The following TENM2 variants were observed in gnomAD, a reference collection of about 807,000 sequenced individuals.
The protein encoded by TENM2 is teneurin transmembrane protein 2, also known as teneurin-2.
TENM2 carries 52 observed loss-of-function variants against 245.2 expected under a neutral mutation model. The ratio of observed to expected loss-of-function variants is 0.21; its 90% CI spans 0.17 to 0.27. The LOEUF (loss-of-function observed/expected upper bound fraction) is 0.27, where lower values mean the gene tolerates loss of function less well. Ranked by LOEUF, TENM2 falls within the 10% of genes least tolerant of loss-of-function variation. The pLI, the probability that TENM2 is intolerant of heterozygous loss-of-function variation, is 1.00. For missense variants in TENM2, 3,046 were observed against 3,666.8 expected, an observed-to-expected ratio of 0.83 and a Z score of 4.37; for synonymous variants, 1,363 against 1,438.9, an observed-to-expected ratio of 0.95 and a Z score of 1.19.
At chr5:167,187,315 A>C in the TENM2 span, among the ~76,000 whole-genome samples, 1 of 152,312 alleles carries the variant, frequency 6.6e-6, no homozygotes, top group East Asian at 1.9e-4. Flanking sequence ...GGGAATGGAT[A>C]ATGTTGGTTC....
At chr5:167,736,889 A>T (rs1269075243) in intron 2 of TENM2, among the ~76,000 whole-genome samples, 1 of 152,184 alleles carries the variant, frequency 6.6e-6, no homozygotes, top group Non-Finnish European at 1.5e-5. Flanking sequence ...GACAATTCTG[A>T]TGGGGAAGTC....
intron 7 of TENM2, among the ~76,000 whole-genome samples, chr5:168,069,254 A>G (rs1413695651): frequency 6.6e-6 from 1 of 152,194 alleles, no homozygotes; most frequent in Non-Finnish European, 1.5e-5. Flanking sequence ...AAGAAAGCCT[A>G]GTACAGATCT....
intron 2 of TENM2, among the ~76,000 whole-genome samples, chr5:167,725,862 A>G (rs1190829860): frequency 6.6e-6 from 1 of 151,770 alleles, no homozygotes; most frequent in Non-Finnish European, 1.5e-5. Context: ...CCTCTACTCT[A>G]CTTTAGCCCC....
At chr5:167,160,326 G>A in the TENM2 span, among the ~76,000 whole-genome samples, 24 of 152,314 alleles carry the variant, frequency 1.6e-4, no homozygotes, top group East Asian at 7.7e-4. Context: ...AGGTCTGGCC[G>A]CTGCCAGTGT....
intron 1 of TENM2, among the ~76,000 whole-genome samples, chr5:167,363,068 G>A (rs1273096116): frequency 2.6e-5 from 4 of 152,154 alleles, no homozygotes; most frequent in African/African-American, 7.2e-5. Context: ...CAACAAAACA[G>A]TCCTCACAGC....
At chr5:167,364,060 A>T (rs1759891019) in intron 1 of TENM2, among the ~76,000 whole-genome samples, 1 of 150,402 alleles carries the variant, frequency 6.6e-6, no homozygotes, top group African/African-American at 2.4e-5. Context: ...AAAGACATAA[A>T]AATACAACAG....
chr5:167,755,232 G>T, intron 2 of TENM2: 1 of 1,491,892 alleles, frequency 6.7e-7, no homozygotes, highest in South Asian at 1.1e-5. Context: ...GGTTTTGCAA[G>T]CACCTGTCCT....
intron 5 of TENM2, among the ~76,000 whole-genome samples, chr5:168,047,178 CT>C (rs1788678330): frequency 6.6e-6 from 1 of 152,096 alleles, no homozygotes; most frequent in Non-Finnish European, 1.5e-5. Context: ...GTGTTTTCTC[CT>C]CCCTCCTCCG....
chr5:167,548,999 T>A (rs543748822), intron 2 of TENM2, among the ~76,000 whole-genome samples: 2 of 152,244 alleles, frequency 1.3e-5, no homozygotes, highest in African/African-American at 4.8e-5. Context: ...TTAGTATCAA[T>A]AGCAGAATTC....
intron 3 of TENM2, among the ~76,000 whole-genome samples, chr5:167,915,695 T>G (rs1217727474): frequency 6.6e-6 from 1 of 152,164 alleles, no homozygotes; most frequent in Non-Finnish European, 1.5e-5. Flanking sequence ...ACAGAACACC[T>G]TCAGCCTTCA....
the TENM2 span, among the ~76,000 whole-genome samples, chr5:167,199,856 T>G: frequency 2.0e-5 from 3 of 152,128 alleles, no homozygotes. Flanking sequence ...TTTGTTGTGT[T>G]TTTTCTTAGG....
intron 2 of TENM2, among the ~76,000 whole-genome samples, chr5:167,576,963 AAGTGTC>A (rs1302042871): frequency 1.3e-5 from 2 of 152,238 alleles, no homozygotes; most frequent in Non-Finnish European, 2.9e-5. Flanking sequence ...ATTGGATATT[AAGTGTC>A]AGATTTCCAA....
chr5:167,374,440 CATG>C (rs148049050), intron 1 of TENM2, among the ~76,000 whole-genome samples: 4,584 of 152,086 alleles, frequency 0.03, 249 homozygotes, highest in East Asian at 0.21. Context: ...TTAAGCAATG[CATG>C]ATAGCATTTA....
At chr5:167,112,366 T>G in the TENM2 span, among the ~76,000 whole-genome samples, 2 of 152,234 alleles carry the variant, frequency 1.3e-5, no homozygotes, top group Non-Finnish European at 2.9e-5. Context: ...TCCTATTGAC[T>G]CATATTCAGT....
At chr5:167,861,814 A>G (rs1442920756) in intron 2 of TENM2, among the ~76,000 whole-genome samples, 1 of 152,226 alleles carries the variant, frequency 6.6e-6, no homozygotes, top group African/African-American at 2.4e-5. Context: ...AGCAGTCAGA[A>G]GCAAAGCAGG....
chr5:167,658,994 G>A (rs560576631), intron 2 of TENM2, among the ~76,000 whole-genome samples: 43 of 152,292 alleles, frequency 2.8e-4, no homozygotes, highest in African/African-American at 1.0e-3. Flanking sequence ...TACATGCACA[G>A]GCAAACATTA....
At chr5:167,523,859 T>C (rs1265969698) in intron 2 of TENM2, among the ~76,000 whole-genome samples, 1 of 152,302 alleles carries the variant, frequency 6.6e-6, no homozygotes, top group East Asian at 1.9e-4. Context: ...ATATTTCCTT[T>C]CTGGAAATAT....
At chr5:167,035,254 C>T in the TENM2 span, among the ~76,000 whole-genome samples, 2 of 151,962 alleles carry the variant, frequency 1.3e-5, no homozygotes, top group African/African-American at 4.8e-5. Context: ...TGGAAGCAAC[C>T]ACATGGTAGT....
At chr5:167,596,549 T>G (rs1776225108) in intron 2 of TENM2, among the ~76,000 whole-genome samples, 1 of 151,972 alleles carries the variant, frequency 6.6e-6, no homozygotes, top group Admixed American at 6.6e-5. Context: ...ATCCCAGCAC[T>G]TTGGGAGGCC....
Sources: gnomAD v4.1 joint callset for allele counts (sites outside exome capture counted in the v4.1 genomes callset) on GRCh38, gnomAD v4.1.1 for gene constraint, MANE v1.5 for transcripts, NCBI Gene and HGNC (gene_info 2026-07-23, HGNC 2026-07-21) for gene names.